The following KIF14 variants were observed in gnomAD, a reference collection of about 807,000 sequenced individuals.
KIF14 encodes kinesin-like protein KIF14.
A neutral mutation model predicts 176.2 loss-of-function variants in KIF14; 98 were observed. The ratio of observed to expected loss-of-function variants is 0.56; its 90% CI spans 0.47 to 0.66. The LOEUF is 0.66. Ranked by LOEUF, KIF14 falls within the 30% of genes least tolerant of loss-of-function variation. The pLI is 0.00. For synonymous variants in KIF14, 566 were observed against 632.2 expected (o/e 0.90, Z 1.57); for missense variants, 1,751 against 1,920.4 (o/e 0.91, Z 1.65).
intron 25 of KIF14, among the ~76,000 whole-genome samples, chr1:200,562,706 T>A (rs535149950): frequency 6.6e-6 from 1 of 152,204 alleles, no homozygotes; most frequent in Non-Finnish European, 1.5e-5. Flanking sequence ...CTACCTTTCA[T>A]TTTCATGATT....
intron 14 of KIF14, among the ~76,000 whole-genome samples, chr1:200,597,333 A>C (rs1294596251): frequency 6.6e-6 from 1 of 152,216 alleles, no homozygotes; most frequent in Non-Finnish European, 1.5e-5. Context: ...TATACCAAAA[A>C]GCTCACGAAA....
intron 4 of KIF14, among the ~76,000 whole-genome samples, chr1:200,610,030 G>A (rs761890057): frequency 6.6e-6 from 1 of 152,182 alleles, no homozygotes; most frequent in Non-Finnish European, 1.5e-5. Flanking sequence ...TAGTTGCCAG[G>A]GATTGGGAAG....
intron 19 of KIF14, among the ~76,000 whole-genome samples, chr1:200,585,501 A>C (rs1158917927): frequency 6.6e-6 from 1 of 152,210 alleles, no homozygotes; most frequent in Non-Finnish European, 1.5e-5. Context: ...AATAAGATAT[A>C]TTTTTTAAAA....
In KIF14 at chr1:200,618,474, G is replaced by T; in HGVS notation, c.250C>A (p.Pro84Thr). Residue 84 changes from proline (P) to threonine (T), a missense_variant, in exon 2 of 30, where the codon CCT (proline) becomes ACT (threonine). Pro to Thr is a conservative substitution (Grantham distance 38). Coordinates refer to ENST00000367350, the MANE Select transcript of KIF14 (RefSeq NM_014875.3). The part of the protein sequence containing the change: ...KTADMPLTPN[P>T]VGRLALQRRT... The stretch of plus-strand genomic sequence containing the variant: ...CTCTGAAGTGCCAATCTACCTACAG[G>T]ATTAGGGGTAAGGGGCATGTCTGCT... The T allele has an allele frequency of 6.2e-7, 1 of 1,614,166 alleles. No homozygotes were observed. The highest frequency in any genetic ancestry group is 1.7e-5 in the Admixed American group (1 of 60,030).
At chr1:200,612,431 T>A (rs1660201848) in intron 4 of KIF14, among the ~76,000 whole-genome samples, 1 of 152,204 alleles carries the variant, frequency 6.6e-6, no homozygotes, top group African/African-American at 2.4e-5. Flanking sequence ...ATCTATGTCT[T>A]CCTGGCTTTA....
At chr1:200,600,537 C>T in intron 11 of KIF14, 34 bp from the exon 12 acceptor site, 1 of 1,465,402 alleles carries the variant, frequency 6.8e-7, no homozygotes. Flanking sequence ...TTAATAATAA[C>T]ATTTAATATA....
intron 20 of KIF14, 69 bp downstream of exon 20, chr1:200,581,132 A>AG: frequency 1.3e-6 from 1 of 784,680 alleles, no homozygotes. Context: ...AAAAAAAAAA[A>AG]AGAGAAACTA....
intron 24 of KIF14, 39 bp from the exon 25 acceptor site, chr1:200,565,292 T>A (rs749615126): frequency 3.2e-6 from 5 of 1,548,206 alleles, no homozygotes; most frequent in Non-Finnish European, 3.5e-6. Context: ...TGAAATATTA[T>A]CCAAATAAAA....
rs369866414 is a variant in KIF14, at chr1:200,592,194, T to A, written c.2699A>T (p.His900Leu). Residue 900 changes from histidine to leucine, a missense_variant, in exon 16 of 30, where the codon CAT becomes CTT. By Grantham distance (99) the His-to-Leu change is moderately conservative (BLOSUM62 -3). Transcript: ENST00000367350. ...TTTTCCTTTCTGGACTTCTACTGGA[T>A]GATTAAATCTAAAATAATGATCTCC... Reference protein sequence around the residue: ...LGGDHYFRFNHPVEVQKGKRP... With the variant: ...LGGDHYFRFNLPVEVQKGKRP... 7 of 1,613,880 alleles carry A rather than the reference T, an allele frequency of 4.3e-6. No individual in the cohort carries two copies. The African/African-American group carries it at 9.3e-5, about 22-fold the overall frequency.
chr1:200,601,179 G>A (rs890221653), intron 11 of KIF14, among the ~76,000 whole-genome samples: 4 of 152,080 alleles, frequency 2.6e-5, no homozygotes, highest in Non-Finnish European at 5.9e-5. Flanking sequence ...CACCATGCCC[G>A]GCCCAGAATA....
intron 25 of KIF14, among the ~76,000 whole-genome samples, chr1:200,561,554 A>G (rs907939582): frequency 8.1e-6 from 1 of 123,364 alleles, no homozygotes; most frequent in Admixed American, 8.8e-5. Context: ...GATTTTCAAA[A>G]GAAAAGAGAA....
rs192678111 is a variant in KIF14 at position 200,583,767 on chromosome 1, C to A, written c.3241+2334G>T. On this transcript the variant is annotated intron_variant, in intron 19 of 29. Transcript: ENST00000367350. ...TACCAGCCTGGCCAACATGGTGAAACCCTGTCTCTACTAAAAATACAAAAC... is the reference window on the plus strand; with the variant it reads ...TACCAGCCTGGCCAACATGGTGAAAACCTGTCTCTACTAAAAATACAAAAC... Among the ~76,000 whole-genome samples, 118 of 151,814 alleles carry A rather than the reference C, an allele frequency of 7.8e-4. 2 individuals are homozygous for A. Among genetic ancestry groups the A allele is most frequent in the African/African-American group, 2.8e-3 (115 of 41,356 alleles).
Position 200,553,754 on chromosome 1 carries a change from A to G in KIF14, c.4581T>C (p.Asp1527=). ...CAACACAAGTCTGGAGAAGATTTAT[A>G]TCACTATGGCATCCTATATGCAAGA... The part of the protein sequence containing the change: ...IISALKGCHS[D]INLLQTCVES... The change falls in exon 30 of 30, where the codon GAT becomes GAC. Residue 1527 remains aspartate (D), a synonymous_variant. Transcript: ENST00000367350. 4.4e-6 allele frequency: 7 copies of G among 1,602,072 alleles called. No individual in the cohort carries two copies. The highest frequency in any genetic ancestry group is 6.0e-6 in the Non-Finnish European group (7 of 1,171,770).
intron 4 of KIF14, among the ~76,000 whole-genome samples, chr1:200,612,282 C>CGT (rs1660196057): frequency 6.6e-6 from 1 of 152,150 alleles, no homozygotes; most frequent in Non-Finnish European, 1.5e-5. Flanking sequence ...GGATTACAGG[C>CGT]GTGAGCCACC....
intron 13 of KIF14, 54 bp downstream of exon 13, chr1:200,599,996 T>C (rs1370773598): frequency 5.6e-6 from 6 of 1,069,462 alleles, no homozygotes; most frequent in South Asian, 2.8e-5. Flanking sequence ...GCAATATTTA[T>C]TTCTTGGCAT....
At chr1:200,614,477 G>T in intron 3 of KIF14, 72 bp from the exon 4 acceptor site, 1 of 911,764 alleles carries the variant, frequency 1.1e-6, no homozygotes. Context: ...GGGGAAATAG[G>T]CTGGGAAGGG....
intron 24 of KIF14, 41 bp downstream of exon 24, chr1:200,565,404 A>G: frequency 6.7e-7 from 1 of 1,494,132 alleles, no homozygotes; most frequent in Non-Finnish European, 9.1e-7. Context: ...TGCAGAAAAT[A>G]ATCATTTATG....
intron 14 of KIF14, among the ~76,000 whole-genome samples, chr1:200,596,135 T>C (rs1227994669): frequency 6.6e-6 from 1 of 151,728 alleles, no homozygotes; most frequent in Non-Finnish European, 1.5e-5. Flanking sequence ...ACATCTGCAA[T>C]CCCAGCTACT....
At position 200,575,682 on chromosome 1, in the gene KIF14, T is replaced by C. The variant is rs1408842580; in HGVS notation, c.3475A>G (p.Ser1159Gly). The C allele has an allele frequency of 1.9e-6, 3 of 1,556,964 alleles. No homozygotes were observed. The highest frequency in any genetic ancestry group is 2.6e-6 in the Non-Finnish European group (3 of 1,143,364). Reference sequence around the variant, plus strand: ...CAAAAGGCATCTTCACCCCTGTTACTACCATTACTCTAAGAAAAATATAAT... The same window carrying C: ...CAAAAGGCATCTTCACCCCTGTTACCACCATTACTCTAAGAAAAATATAAT... ...AMKELYESNG[S>G]NRGEDAFCDP... is the part of the protein sequence containing the mutation. The change falls in exon 22 of 30, where the codon AGT (serine) becomes GGT (glycine). Residue 1159 changes from serine (S) to glycine (G), a missense_variant. Coordinates refer to ENST00000367350, the MANE Select transcript of KIF14 (RefSeq NM_014875.3).
Sources: allele counts gnomAD v4.1 joint callset (sites outside exome capture counted in the v4.1 genomes callset), GRCh38; gene constraint gnomAD v4.1.1; transcripts MANE v1.5; gene names NCBI Gene and HGNC (gene_info 2026-07-23, HGNC 2026-07-21).